Variants in TAF2 observed in about 807,000 individuals in gnomAD.
The protein encoded by TAF2 is TATA-box binding protein associated factor 2.
TAF2 carries 61 observed loss-of-function variants against 138.5 expected under a neutral mutation model. That is an observed-to-expected ratio of 0.44 (90% confidence interval 0.36 to 0.54). TAF2 has a LOEUF of 0.54. Ranked by LOEUF, TAF2 falls within the 20% of genes least tolerant of loss-of-function variation. TAF2 has a pLI of 0.00. For missense variants in TAF2, 1,090 were observed against 1,427.9 expected (o/e 0.76, Z 3.81); for synonymous variants, 475 against 469.9 (o/e 1.01, Z -0.14).
At chr8:119,831,021 T>C (rs1004559084) in intron 2 of TAF2, among the ~76,000 whole-genome samples, 3 of 152,080 alleles carry the variant, frequency 2.0e-5, no homozygotes, top group African/African-American at 4.8e-5. Flanking sequence ...GTAGGACAAC[T>C]GCTTGAACCC....
chr8:119,787,637 G>C (rs531043566), intron 14 of TAF2, among the ~76,000 whole-genome samples: 2 of 152,184 alleles, frequency 1.3e-5, no homozygotes, highest in African/African-American at 2.4e-5. Flanking sequence ...TTACACTGTT[G>C]GTGGAAGTGT....
In TAF2 at chr8:119,731,853, T is replaced by G. The variant is rs991512892; in HGVS notation, c.*71A>C. ...CTTTCCCCCCTCCCTTTTATAATTCTTCACAGAGGACAAAGCTTTAGTTAC... is the reference window on the plus strand; with the variant it reads ...CTTTCCCCCCTCCCTTTTATAATTCGTCACAGAGGACAAAGCTTTAGTTAC... On this transcript the variant is annotated 3_prime_UTR_variant, in exon 26 of 26. Transcript: ENST00000378164. The G allele has an allele frequency of 2.7e-6, 4 of 1,479,672 alleles. No homozygotes were observed. In the African/African-American group the frequency reaches 5.6e-5, roughly 21 times the overall value. 91.7% of individuals were successfully genotyped at this position (1,479,672 alleles called of 1,614,324 possible). A position where few individuals can be genotyped will look rare whatever the true frequency, so the allele number is the denominator to read the frequency against.
intron 25 of TAF2, among the ~76,000 whole-genome samples, chr8:119,738,152 A>G (rs548962205): frequency 1.0e-3 from 155 of 151,892 alleles, no homozygotes; most frequent in South Asian, 3.3e-3. Flanking sequence ...ATGTTTATAT[A>G]TTCTTTTTCT....
intron 1 of TAF2, among the ~76,000 whole-genome samples, chr8:119,832,107 C>T (rs549661388): frequency 1.4e-4 from 21 of 151,956 alleles, no homozygotes; most frequent in African/African-American, 4.1e-4. Flanking sequence ...TGCAGTGAGC[C>T]GAGATCGCGC....
intron 23 of TAF2, among the ~76,000 whole-genome samples, chr8:119,746,493 G>A (rs867254841): frequency 6.6e-5 from 10 of 151,942 alleles, no homozygotes; most frequent in African/African-American, 1.4e-4. Context: ...TAACAGGACC[G>A]GGAGCACATC....
chr8:119,796,917 C>A, intron 8 of TAF2, 73 bp downstream of exon 8: 1 of 1,100,490 alleles, frequency 9.1e-7, no homozygotes, highest in Non-Finnish European at 1.4e-6. Context: ...CAAAGGTCAG[C>A]TTAAATGCAG....
chr8:119,793,517 T>G, intron 9 of TAF2, 66 bp from the exon 10 acceptor site: 1 of 1,141,232 alleles, frequency 8.8e-7, no homozygotes. Context: ...CATACCAAAT[T>G]TTAGAATTAA....
rs78247922 is a variant in TAF2 at position 119,829,085 on chromosome 8, G to A, written c.138+2592C>T. Among the ~76,000 whole-genome samples the A allele has an allele frequency of 2.4e-4, 36 of 152,268 alleles. No homozygotes were observed. The East Asian group carries it at 6.2e-3, about 26-fold the overall frequency. On this transcript the variant is annotated intron_variant, in intron 2 of 25. Transcript: ENST00000378164. ...CTTTTCATCTCAACCAAAGACAACAGTGGATGCGTTGGGGTTAAAAAGGTA... is the reference window on the plus strand; with the variant it reads ...CTTTTCATCTCAACCAAAGACAACAATGGATGCGTTGGGGTTAAAAAGGTA...
chr8:119,742,496 T>G, intron 25 of TAF2, 38 bp downstream of exon 25: 1 of 1,604,418 alleles, frequency 6.2e-7, no homozygotes, highest in African/African-American at 1.3e-5. Context: ...GATTTGTTCT[T>G]GAACAAAATA....
chr8:119,733,562 C>T (rs1819023853), intron 25 of TAF2, among the ~76,000 whole-genome samples: 1 of 152,146 alleles, frequency 6.6e-6, no homozygotes, highest in Non-Finnish European at 1.5e-5. Flanking sequence ...AACAGTAGTT[C>T]TCCAACTCTA....
chr8:119,812,903 T>C (rs1586515533), intron 3 of TAF2, among the ~76,000 whole-genome samples: 1 of 152,202 alleles, frequency 6.6e-6, no homozygotes, highest in East Asian at 1.9e-4. Context: ...TGTGCTGCAA[T>C]AAACATAGAC....
At position 119,797,826 on chromosome 8, in the gene TAF2, G is replaced by A. The variant is rs773429844; in HGVS notation, c.813C>T (p.Pro271=). 6.2e-7 allele frequency: 1 copy of A among 1,613,266 alleles called. No homozygotes were observed. Among genetic ancestry groups the A allele is most frequent in the Admixed American group, 1.7e-5 (1 of 59,938 alleles). The change falls in exon 7 of 26, where the codon CCC becomes CCT. Residue 271 remains proline (P), a synonymous_variant. Transcript: ENST00000378164. The part of the protein sequence containing the change: ...YMHEVTHFCL[P]QLLPLLKHTT... ...TATGTTTCAGCAATGGAAGAAGTTG[G>A]GGCAAACAAAAATGAGTAACCTGAA...
At chr8:119,756,165 G>A in intron 21 of TAF2, 50 bp from the exon 22 acceptor site, 1 of 1,295,840 alleles carries the variant, frequency 7.7e-7, no homozygotes, top group Non-Finnish European at 1.1e-6. Context: ...ACTGACAGAT[G>A]CTATGAGTAG....
intron 25 of TAF2, among the ~76,000 whole-genome samples, chr8:119,742,037 A>G (rs1434076791): frequency 6.6e-6 from 1 of 152,246 alleles, no homozygotes; most frequent in Non-Finnish European, 1.5e-5. Context: ...GTGAAATGAT[A>G]TAAGAGAATA....
intron 9 of TAF2, 129 bp downstream of exon 9, chr8:119,795,403 C>T: frequency 2.4e-6 from 2 of 831,750 alleles, no homozygotes; most frequent in Admixed American, 4.1e-5. Context: ...TAGTCTTTCT[C>T]AGTAAATCAA....
At chr8:119,795,496 G>C (rs2131184578) in intron 9 of TAF2, 36 bp downstream of exon 9, 1 of 1,528,340 alleles carries the variant, frequency 6.5e-7, no homozygotes, top group East Asian at 2.3e-5. Context: ...GAGGACATAA[G>C]ACTTGTAAGT....
chr8:119,789,218 G>A (rs758252627), intron 12 of TAF2, among the ~76,000 whole-genome samples: 23 of 151,912 alleles, frequency 1.5e-4, no homozygotes, highest in Admixed American at 3.9e-4. Flanking sequence ...CTCAAATTGC[G>A]CCAACCCCTA....
intron 23 of TAF2, among the ~76,000 whole-genome samples, chr8:119,745,703 T>C (rs1197355757): frequency 2.0e-5 from 3 of 151,922 alleles, no homozygotes; most frequent in Admixed American, 6.6e-5. Flanking sequence ...TACAGTAAAA[T>C]GATTAATATG....
intron 23 of TAF2, among the ~76,000 whole-genome samples, chr8:119,745,206 G>A (rs948787549): frequency 6.6e-6 from 1 of 151,670 alleles, no homozygotes; most frequent in Non-Finnish European, 1.5e-5. Context: ...TGGTCTTTTT[G>A]GGGGGAGAAG....
Sources: allele counts gnomAD v4.1 joint callset (sites outside exome capture counted in the v4.1 genomes callset), GRCh38; gene constraint gnomAD v4.1.1; transcripts MANE v1.5; gene names NCBI Gene and HGNC (gene_info 2026-07-23, HGNC 2026-07-21).